Variants in KCNIP4 observed in about 807,000 individuals in gnomAD.
The protein encoded by KCNIP4 is potassium voltage-gated channel interacting protein 4, also known as Kv channel-interacting protein 4.
Under a neutral mutation model 34.0 loss-of-function variants are expected in KCNIP4, and 12 were observed. The ratio of observed to expected loss-of-function variants is 0.35; its 90% CI spans 0.23 to 0.57. The LOEUF (loss-of-function observed/expected upper bound fraction) is 0.57. Ranked by LOEUF, KCNIP4 falls within the 20% of genes least tolerant of loss-of-function variation. The pLI, the probability that KCNIP4 is intolerant of heterozygous loss-of-function variation, is 0.83. For missense variants in KCNIP4, 238 were observed against 311.7 expected, an observed-to-expected ratio of 0.76 and a Z score of 1.78; for synonymous variants, 124 against 102.2, an observed-to-expected ratio of 1.21 and a Z score of -1.29.
chr4:21,698,296 C>A (rs1452797525), intron 1 of KCNIP4, among the ~76,000 whole-genome samples: 2 of 152,170 alleles, frequency 1.3e-5, no homozygotes, highest in Non-Finnish European at 2.9e-5. Context: ...AACACAGTAG[C>A]CTAGAAACCA....
At chr4:21,464,388 G>C (rs1211053937) in intron 1 of KCNIP4, among the ~76,000 whole-genome samples, 1 of 151,778 alleles carries the variant, frequency 6.6e-6, no homozygotes, top group East Asian at 1.9e-4. Flanking sequence ...TTTTTCGTAT[G>C]TTTTATCTTC....
chr4:21,354,898 G>A (rs942370972), intron 1 of KCNIP4, among the ~76,000 whole-genome samples: 1 of 152,130 alleles, frequency 6.6e-6, no homozygotes, highest in Admixed American at 6.5e-5. Context: ...ATAGTTGCAA[G>A]TAAAGCACTC....
intron 1 of KCNIP4, among the ~76,000 whole-genome samples, chr4:21,797,540 G>T (rs1298857119): frequency 6.6e-6 from 1 of 151,798 alleles, no homozygotes; most frequent in Non-Finnish European, 1.5e-5. Context: ...GCTTTTGTAT[G>T]TCTTATAAAA....
chr4:20,892,919 G>T (rs1470001006), intron 1 of KCNIP4, among the ~76,000 whole-genome samples: 1 of 152,132 alleles, frequency 6.6e-6, no homozygotes, highest in East Asian at 1.9e-4. Flanking sequence ...TGAACAATTT[G>T]CCAAAACTAC....
At chr4:20,831,239 A>G (rs957061092) in intron 3 of KCNIP4, among the ~76,000 whole-genome samples, 16 of 152,196 alleles carry the variant, frequency 1.1e-4, no homozygotes, top group African/African-American at 3.4e-4. Flanking sequence ...CCACACCAAT[A>G]CTGTGAAGTG....
intron 1 of KCNIP4, among the ~76,000 whole-genome samples, chr4:21,416,451 C>T (rs1344451635): frequency 6.6e-6 from 1 of 152,028 alleles, no homozygotes; most frequent in Non-Finnish European, 1.5e-5. Flanking sequence ...TAGGTTTTAC[C>T]TCCCCAGATT....
At chr4:21,818,515 G>T (rs1460312377) in intron 1 of KCNIP4, among the ~76,000 whole-genome samples, 3 of 152,164 alleles carry the variant, frequency 2.0e-5, no homozygotes, top group Non-Finnish European at 4.4e-5. Context: ...GCCACTAGTG[G>T]TGTATGGATT....
chr4:21,643,161 T>G (rs1385300511), intron 1 of KCNIP4, among the ~76,000 whole-genome samples: 1 of 152,208 alleles, frequency 6.6e-6, no homozygotes. Context: ...AGTGTGTGCA[T>G]GTGGGTATCT....
At chr4:21,475,275 C>T (rs959378829) in intron 1 of KCNIP4, among the ~76,000 whole-genome samples, 29 of 152,214 alleles carry the variant, frequency 1.9e-4, no homozygotes, top group Non-Finnish European at 3.2e-4. Flanking sequence ...GCACTTTACT[C>T]CCAAAGGTAC....
At chr4:21,183,917 C>T (rs928951194) in intron 1 of KCNIP4, among the ~76,000 whole-genome samples, 33 of 152,140 alleles carry the variant, frequency 2.2e-4, no homozygotes, top group Middle Eastern at 6.8e-3. Context: ...CCCTCCTTTC[C>T]TCTCCCTTCT....
chr4:21,717,080 G>A (rs757682091), intron 1 of KCNIP4, among the ~76,000 whole-genome samples: 23 of 152,130 alleles, frequency 1.5e-4, no homozygotes, highest in Non-Finnish European at 2.8e-4. Context: ...TTGTCATAGT[G>A]TTTCTCAAAC....
chr4:21,701,956 G>T lies in KCNIP4; in HGVS notation c.61+246615C>A, dbSNP rs563114119. Among the ~76,000 whole-genome samples, 4 of 152,188 alleles carry T rather than the reference G, an allele frequency of 2.6e-5. No homozygotes were observed. In the South Asian group the frequency reaches 8.3e-4, roughly 32 times the overall value. The stretch of plus-strand genomic sequence containing the variant: ...TGACCTCAGATGATCTGCTTGCGTT[G>T]GCCTCCCAAAGTGCTGGGATTACAG... On this transcript the variant is annotated intron_variant, in intron 1 of 8. Transcript: ENST00000382152.
At chr4:21,342,257 A>C (rs1445454699) in intron 1 of KCNIP4, among the ~76,000 whole-genome samples, 6 of 152,090 alleles carry the variant, frequency 3.9e-5, no homozygotes, top group Admixed American at 3.3e-4. Context: ...AAGAACATCC[A>C]TCTCAAGGGT....
At chr4:21,654,497 G>T (rs1054594935) in intron 1 of KCNIP4, among the ~76,000 whole-genome samples, 28 of 144,444 alleles carry the variant, frequency 1.9e-4, no homozygotes, top group African/African-American at 6.9e-4. Context: ...TGATTAAAAT[G>T]TTTTTTTTTT....
rs369159886 is a variant in KCNIP4 at position 21,714,799 on chromosome 4, ATT to A, written c.61+233770_61+233771del. ...AATTTCCCTTTGATTATTTTATTTT[ATT>A]TTATTTTATTTTATTTTATTTTATT... On this transcript the variant is annotated intron_variant, in intron 1 of 8. Coordinates refer to ENST00000382152, the MANE Select transcript of KCNIP4 (RefSeq NM_025221.6). Among the ~76,000 whole-genome samples the A allele has an allele frequency of 1.7e-3, 8 of 4,594 alleles. 1 individual carries two copies. The highest frequency in any genetic ancestry group is 4.9e-3 in the African/African-American group (2 of 412). The allele number at this position is 4,594 out of a possible 152,430, so 3.0% of individuals were successfully genotyped here. A position where few individuals can be genotyped will look rare whatever the true frequency, so the allele number is the denominator to read the frequency against.
intron 1 of KCNIP4, among the ~76,000 whole-genome samples, chr4:21,568,704 GCCTTTGGC>G (rs1490830931): frequency 5.9e-5 from 9 of 152,074 alleles, no homozygotes; most frequent in Non-Finnish European, 1.3e-4. Flanking sequence ...GCTCTCTGTG[GCCTTTGGC>G]CACAGACTGA....
chr4:21,027,928 GA>G (rs1379485105), intron 1 of KCNIP4, among the ~76,000 whole-genome samples: 1 of 152,056 alleles, frequency 6.6e-6, no homozygotes, highest in African/African-American at 2.4e-5. Context: ...TAAAATTCCA[GA>G]CAAATAATTA....
At chr4:21,479,123 C>A (rs543281395) in intron 1 of KCNIP4, among the ~76,000 whole-genome samples, 1 of 152,082 alleles carries the variant, frequency 6.6e-6, no homozygotes, top group African/African-American at 2.4e-5. Flanking sequence ...TGTAAGCTTC[C>A]GTGATTCAAA....
chr4:21,781,068 T>C (rs754240649), intron 1 of KCNIP4, among the ~76,000 whole-genome samples: 2 of 152,160 alleles, frequency 1.3e-5, no homozygotes, highest in Non-Finnish European at 2.9e-5. Flanking sequence ...TCATCTGATA[T>C]GGTTTGTCTC....
Sources: gnomAD v4.1 joint callset for allele counts (sites outside exome capture counted in the v4.1 genomes callset) on GRCh38, gnomAD v4.1.1 for gene constraint, MANE v1.5 for transcripts, NCBI Gene and HGNC (gene_info 2026-07-23, HGNC 2026-07-21) for gene names.